The following MAPK6 variants were observed in gnomAD, a reference collection of about 807,000 sequenced individuals.
The protein encoded by MAPK6 is mitogen-activated protein kinase 6.
A neutral mutation model predicts 59.3 loss-of-function variants in MAPK6; 19 were observed. The ratio of observed to expected loss-of-function variants is 0.32; its 90% confidence interval spans 0.22 to 0.47. MAPK6 has a LOEUF of 0.47. Among genes scored for constraint, MAPK6 ranks in the 20% least tolerant of loss-of-function variants. The pLI is 1.00. For missense variants in MAPK6, 724 were observed against 847.9 expected, an observed-to-expected ratio of 0.85 and a Z score of 1.81; for synonymous variants, 316 against 290.3, an observed-to-expected ratio of 1.09 and a Z score of -0.90.
intron 1 of MAPK6, among the ~76,000 whole-genome samples, chr15:51,974,375 G>A (rs1479277267): frequency 6.6e-6 from 1 of 151,614 alleles, no homozygotes; most frequent in Non-Finnish European, 1.5e-5. Flanking sequence ...GATCTTGACA[G>A]GCCGGGCACG....
intron 1 of MAPK6, among the ~76,000 whole-genome samples, chr15:52,025,223 A>G (rs751717070): frequency 6.6e-6 from 1 of 152,166 alleles, no homozygotes; most frequent in Non-Finnish European, 1.5e-5. Context: ...CCTGGGCAAC[A>G]GCAAGAGACC....
rs2470591 is a variant in MAPK6, at chr15:51,974,628, G to T, written c.-880+2722G>T. Among the ~76,000 whole-genome samples the T allele has an allele frequency of 1.8e-3, 239 of 130,894 alleles. 1 individual carries two copies. The highest frequency in any genetic ancestry group is 6.3e-3 in the African/African-American group (223 of 35,200). The allele number at this position is 130,894 out of a possible 152,430, so 85.9% of individuals were successfully genotyped here. ...GAGCTGAGATCACGCCACTGCACCC[G>T]AGCCTGGGAGACAGAGCGAGACTCC... On this transcript the variant is annotated intron_variant, in intron 1 of 7. Coordinates refer to the MAPK6 transcript ENST00000691380.
At chr15:51,976,937 T>C (rs548548164) in intron 1 of MAPK6, among the ~76,000 whole-genome samples, 2 of 151,822 alleles carry the variant, frequency 1.3e-5, no homozygotes, top group African/African-American at 4.8e-5. Flanking sequence ...AGCAAGACTC[T>C]GTCTCAAAAA....
Position 52,023,901 on chromosome 15 carries a change from C to T in MAPK6, c.-632+4525C>T, listed in dbSNP as rs534939762. On this transcript the variant is annotated intron_variant, in intron 1 of 5. Coordinates refer to ENST00000261845, the MANE Select transcript of MAPK6 (RefSeq NM_002748.4). The stretch of plus-strand genomic sequence containing the variant: ...TGCTGGGATTACGGGCATGAGCCAC[C>T]GCGCCCAGCCAATAGAGTTCTAAAA... 4.6e-5 allele frequency among the ~76,000 whole-genome samples: 7 copies of T among 152,290 alleles called. No homozygotes were observed. In the South Asian group the frequency reaches 8.3e-4, roughly 18 times the overall value.
Position 52,066,867 on chromosome 15 carries a change from A to AGAG in MAPK6, c.*1870_*1872dup. The AGAG allele has an allele frequency of 6.6e-6, 1 of 152,166 alleles. No individual in the cohort carries two copies. The highest frequency in any genetic ancestry group is 2.1e-4 in the South Asian group (1 of 4,824). The allele number at this position is 152,166 out of a possible 1,614,324, so 9.4% of individuals were successfully genotyped here. A position where few individuals can be genotyped will look rare whatever the true frequency, so the allele number is the denominator to read the frequency against. Reference sequence around the variant, plus strand: ...ATTTAAACATACTCAAATTACCTTAAGAGGACAAGCTCTGAAGTGCAGTCA... The same window carrying AGAG: ...ATTTAAACATACTCAAATTACCTTAAGAGGAGGACAAGCTCTGAAGTGCAGTCA... On this transcript the variant is annotated 3_prime_UTR_variant, in exon 6 of 6. Transcript: ENST00000261845.
chr15:52,034,289 G>C (rs1055565906), intron 1 of MAPK6, among the ~76,000 whole-genome samples: 4 of 151,650 alleles, frequency 2.6e-5, no homozygotes, highest in South Asian at 2.1e-4. Flanking sequence ...CCGGACTCCT[G>C]GTTGCTTTTA....
chr15:52,029,828 T>TA lies in MAPK6; in HGVS notation c.-632+10453dup, dbSNP rs1210169803. ...TCAGCCACCATTATGTCACCTGGCT[T>TA]ACTGAAATAGCTCTTAACTGGTCTT... On this transcript the variant is annotated intron_variant, in intron 1 of 5. Transcript: ENST00000261845. Among the ~76,000 whole-genome samples, 3 of 152,244 alleles carry TA rather than the reference T, an allele frequency of 2.0e-5. No individual in the cohort carries two copies. In the East Asian group the frequency reaches 5.8e-4, roughly 29 times the overall value.
intron 1 of MAPK6, among the ~76,000 whole-genome samples, chr15:52,039,550 C>G (rs554077884): frequency 2.4e-5 from 3 of 123,896 alleles, no homozygotes; most frequent in Non-Finnish European, 4.8e-5. Context: ...GGGTCTCACT[C>G]TGTTGCCCAA....
upstream of MAPK6, chr15:52,017,463 T>C (rs921839108): frequency 6.6e-6 from 1 of 152,236 alleles, no homozygotes; most frequent in Non-Finnish European, 1.5e-5. Context: ...TAAATCACAA[T>C]GATGGAATGT....
intron 2 of MAPK6, among the ~76,000 whole-genome samples, chr15:51,988,941 G>C (rs978103476): frequency 6.6e-6 from 1 of 151,970 alleles, no homozygotes; most frequent in Non-Finnish European, 1.5e-5. Flanking sequence ...TGGAGTGCTC[G>C]AATCCCTGCA....
chr15:51,990,142 G>T (rs781008288), intron 2 of MAPK6, among the ~76,000 whole-genome samples: 2 of 152,156 alleles, frequency 1.3e-5, no homozygotes, highest in Non-Finnish European at 2.9e-5. Flanking sequence ...TTATCCTAAG[G>T]CTTGTGAGAA....
chr15:51,986,106 A>G (rs2057190386), intron 2 of MAPK6, among the ~76,000 whole-genome samples: 1 of 152,228 alleles, frequency 6.6e-6, no homozygotes, highest in Non-Finnish European at 1.5e-5. Context: ...TACAGGAAGC[A>G]TGGCTGGGAG....
In MAPK6 at chr15:51,979,908, G is replaced by A. The variant is rs139581291; in HGVS notation, c.-879-3298G>A. Among the ~76,000 whole-genome samples, 793 of 151,992 alleles carry A rather than the reference G, an allele frequency of 5.2e-3. 17 individuals carry two copies. The highest frequency in any genetic ancestry group is 7.6e-3 in the Non-Finnish European group (515 of 67,956). On this transcript the variant is annotated intron_variant, in intron 1 of 7. Coordinates refer to the MAPK6 transcript ENST00000691380. ...GACCCAGTGCTTGCCTCCAAGAGAA[G>A]GAGCTAGAAAACTGGAGGAGAGAAG... is the stretch of plus-strand genomic sequence containing the variant.
intron 2 of MAPK6, among the ~76,000 whole-genome samples, chr15:51,999,154 C>G (rs1206864342): frequency 6.6e-6 from 1 of 151,922 alleles, no homozygotes; most frequent in Admixed American, 6.6e-5. Context: ...CCCCACCACC[C>G]CTGGCTAATT....
intron 2 of MAPK6, among the ~76,000 whole-genome samples, chr15:52,049,252 C>G (rs1172387675): frequency 6.6e-6 from 1 of 151,722 alleles, no homozygotes; most frequent in East Asian, 1.9e-4. Context: ...CCCTACTGTT[C>G]TGACTTGAAG....
intron 1 of MAPK6, among the ~76,000 whole-genome samples, chr15:52,031,383 C>A (rs138377778): frequency 6.6e-6 from 1 of 152,290 alleles, no homozygotes; most frequent in Non-Finnish European, 1.5e-5. Flanking sequence ...CTGGCTCTCT[C>A]ATTCATGTGT....
At chr15:52,052,050 G>T (rs1053476723) in intron 3 of MAPK6, among the ~76,000 whole-genome samples, 1 of 152,098 alleles carries the variant, frequency 6.6e-6, no homozygotes, top group Non-Finnish European at 1.5e-5. Flanking sequence ...TGTTTGTTGC[G>T]GTGTGACAAA....
In MAPK6 at chr15:52,030,611, C is replaced by CTTTTTTTTTTTTTTTTTTT. The variant is rs11295636; in HGVS notation, c.-632+11247_-632+11265dup. ...TGTGTTTTAGTTATGCAGAAGAAGGCTTTTTTTTTTTTTTTTTTTTTTTTT... is the reference window on the plus strand; with the variant it reads ...TGTGTTTTAGTTATGCAGAAGAAGGCTTTTTTTTTTTTTTTTTTTTTTTTTTTTTTTTTTTTTTTTTTTT... On this transcript the variant is annotated intron_variant, in intron 1 of 5. Transcript: ENST00000261845. Among the ~76,000 whole-genome samples, 3 of 35,744 alleles carry CTTTTTTTTTTTTTTTTTTT rather than the reference C, an allele frequency of 8.4e-5. 1 individual carries two copies. The highest frequency in any genetic ancestry group is 3.4e-4 in the African/African-American group (3 of 8,780). The allele number at this position is 35,744 out of a possible 152,430, so 23.4% of individuals were successfully genotyped here.
chr15:51,991,798 A>C (rs1342973833), intron 2 of MAPK6, among the ~76,000 whole-genome samples: 2 of 152,248 alleles, frequency 1.3e-5, no homozygotes, highest in African/African-American at 4.8e-5. Flanking sequence ...GCCAGGTAGA[A>C]GAATCCGGCA....
Sources: gnomAD v4.1 joint callset for allele counts (sites outside exome capture counted in the v4.1 genomes callset) on GRCh38, gnomAD v4.1.1 for gene constraint, MANE v1.5 for transcripts, NCBI Gene and HGNC (gene_info 2026-07-23, HGNC 2026-07-21) for gene names.